RPN2: variants seen among roughly 807,000 people sequenced by gnomAD.
RPN2 encodes ribophorin II.
A neutral mutation model predicts 71.4 loss-of-function variants in RPN2; 29 were observed. That is an observed-to-expected ratio of 0.41 (90% confidence interval 0.30 to 0.55). The LOEUF is 0.55. RPN2 is among the 20% of genes least tolerant of loss of function. The probability of loss-of-function intolerance (pLI) is 0.35; values close to 1 mark genes in which losing one functional copy is unlikely to be tolerated. For missense variants in RPN2, 726 were observed against 774.1 expected (o/e 0.94, Z 0.74); for synonymous variants, 308 against 305.0 (o/e 1.01, Z -0.10).
chr20:37,237,197 C>T (rs977880768), intron 16 of RPN2, among the ~76,000 whole-genome samples: 3 of 152,136 alleles, frequency 2.0e-5, no homozygotes, highest in Non-Finnish European at 4.4e-5. Context: ...CAAGGAGTAT[C>T]TCCTCAGTAG....
chr20:37,213,252 G>A (rs537083220), intron 8 of RPN2, among the ~76,000 whole-genome samples: 8 of 152,272 alleles, frequency 5.3e-5, no homozygotes, highest in Middle Eastern at 3.4e-3. Flanking sequence ...GGAGTGGTGG[G>A]AGTAACAAAG....
intron 1 of RPN2, 170 bp downstream of exon 1, chr20:37,179,539 T>G: frequency 7.2e-7 from 1 of 1,389,066 alleles, no homozygotes; most frequent in Middle Eastern, 2.0e-4. Flanking sequence ...GGCTGCGAGC[T>G]GGTGGGAGTG....
At position 37,207,453 on chromosome 20, in the gene RPN2, A is replaced by G; in HGVS notation, c.867+4A>G. On this transcript the variant is annotated splice_donor_region_variant and intron_variant, in intron 7 of 16. Coordinates refer to ENST00000237530, the MANE Select transcript of RPN2 (RefSeq NM_002951.5). ...TCATGAACAGGCTATCTTGCGGGTAAGACATCCATGCCCAAAGTGTGCCCC... is the reference window on the plus strand; with the variant it reads ...TCATGAACAGGCTATCTTGCGGGTAGGACATCCATGCCCAAAGTGTGCCCC... 6.2e-7 allele frequency: 1 copy of G among 1,613,926 alleles called. No homozygotes were observed. The highest frequency in any genetic ancestry group is 8.5e-7 in the Non-Finnish European group (1 of 1,179,800).
chr20:37,200,700 C>G (rs1322244102), intron 4 of RPN2, among the ~76,000 whole-genome samples: 1 of 152,172 alleles, frequency 6.6e-6, no homozygotes, highest in East Asian at 1.9e-4. Flanking sequence ...GACTCTAGGG[C>G]TGACATTTTG....
At position 37,186,766 on chromosome 20, in the gene RPN2, A is replaced by C. The variant is rs934630017; in HGVS notation, c.207+2393A>C. The stretch of plus-strand genomic sequence containing the variant: ...GCTGGTATCTCTTAAGACTCTTTTC[A>C]CCGATAATAGTTCCCATTCCCTCTT... On this transcript the variant is annotated intron_variant, in intron 2 of 16. Transcript: ENST00000237530. Among the ~76,000 whole-genome samples, 6 of 152,166 alleles carry C rather than the reference A, an allele frequency of 3.9e-5. No individual in the cohort carries two copies. The East Asian group carries it at 1.2e-3, about 29-fold the overall frequency.
intron 3 of RPN2, 85 bp from the exon 4 acceptor site, chr20:37,198,965 G>C: frequency 1.8e-6 from 2 of 1,095,496 alleles, no homozygotes; most frequent in Non-Finnish European, 1.4e-6. Context: ...GACTTTGGCA[G>C]CTGCTCCGCA....
At chr20:37,186,679 TG>T (rs1235029484) in intron 2 of RPN2, among the ~76,000 whole-genome samples, 1 of 152,224 alleles carries the variant, frequency 6.6e-6, no homozygotes, top group African/African-American at 2.4e-5. Context: ...ATCTCAAAAG[TG>T]TTTTTTACAG....
intron 1 of RPN2, among the ~76,000 whole-genome samples, chr20:37,182,126 C>T (rs2066897932): frequency 6.6e-6 from 1 of 152,074 alleles, no homozygotes; most frequent in South Asian, 2.1e-4. Flanking sequence ...TGGAGTCTCA[C>T]TCTGTCACCC....
intron 16 of RPN2, among the ~76,000 whole-genome samples, chr20:37,237,577 G>A (rs2068431984): frequency 6.6e-6 from 1 of 152,172 alleles, no homozygotes; most frequent in Non-Finnish European, 1.5e-5. Flanking sequence ...GGGAGAAGAT[G>A]TCTCATCTCC....
rs2068544922 is a variant in RPN2 at position 37,241,345 on chromosome 20, CTG to C, written c.*31_*32del. 3 of 1,610,656 alleles carry C rather than the reference CTG, an allele frequency of 1.9e-6. No homozygotes were observed. The highest frequency in any genetic ancestry group is 2.2e-5 in the South Asian group (2 of 90,674). On this transcript the variant is annotated 3_prime_UTR_variant, in exon 17 of 17. Transcript: ENST00000237530. Reference sequence around the variant, plus strand: ...AGAAGAAAGATGGAAATTCTGAAAACTGAATGTCAAGAAAAGGAGTCAAGAAC... The same window carrying C: ...AGAAGAAAGATGGAAATTCTGAAAACAATGTCAAGAAAAGGAGTCAAGAAC...
chr20:37,211,629 G>A (rs1210270466), intron 8 of RPN2, among the ~76,000 whole-genome samples: 4 of 136,386 alleles, frequency 2.9e-5, no homozygotes, highest in Non-Finnish European at 6.3e-5. Flanking sequence ...GCGACAGAGC[G>A]AGGCTCCATC....
At chr20:37,227,937 A>T (rs1448737182) in intron 11 of RPN2, among the ~76,000 whole-genome samples, 1 of 152,238 alleles carries the variant, frequency 6.6e-6, no homozygotes, top group Non-Finnish European at 1.5e-5. Flanking sequence ...CCACATCTGG[A>T]AGTTAATTTT....
intron 2 of RPN2, among the ~76,000 whole-genome samples, chr20:37,188,195 A>C (rs963507020): frequency 6.6e-6 from 1 of 151,930 alleles, no homozygotes; most frequent in Non-Finnish European, 1.5e-5. Context: ...TTTGAGATGA[A>C]GGCTTACTCT....
chr20:37,223,099 G>T (rs2067998778), intron 9 of RPN2, among the ~76,000 whole-genome samples: 1 of 152,202 alleles, frequency 6.6e-6, no homozygotes, highest in Non-Finnish European at 1.5e-5. Context: ...TCTGGACATT[G>T]TGTCCATGTC....
At chr20:37,189,311 CTGTGTG>C (rs748314418) in intron 2 of RPN2, among the ~76,000 whole-genome samples, 3 of 115,186 alleles carry the variant, frequency 2.6e-5, no homozygotes, top group Non-Finnish European at 3.6e-5. Flanking sequence ...ATGGGCCAAA[CTGTGTG>C]TGTGTATGTG....
At chr20:37,238,396 T>C (rs186303108) in intron 16 of RPN2, 121 of 1,607,426 alleles carry the variant, frequency 7.5e-5, no homozygotes, top group Admixed American at 3.9e-4. Flanking sequence ...CTCTTTCCTT[T>C]GGCAGGATCG....
intron 11 of RPN2, 150 bp downstream of exon 11, chr20:37,225,952 A>C (rs549907470): frequency 2.8e-6 from 2 of 703,774 alleles, no homozygotes; most frequent in South Asian, 3.0e-5. Flanking sequence ...GTTCTCCCAC[A>C]TGACACTCTC....
intron 2 of RPN2, among the ~76,000 whole-genome samples, chr20:37,197,074 G>A (rs548127843): frequency 3.7e-4 from 57 of 152,270 alleles, no homozygotes; most frequent in African/African-American, 1.3e-3. Flanking sequence ...GGCAGGGTGG[G>A]TAGCAGGGTC....
In RPN2 at chr20:37,179,342, G is replaced by A; in HGVS notation, c.-15G>A. On this transcript the variant is annotated 5_prime_UTR_variant, in exon 1 of 17. Transcript: ENST00000237530. Reference sequence around the variant, plus strand: ...CAGCCCGCGGCTCGGACTCCGGCGGGACCTGCTCGGAGGAATGGCGCCGCC... The same window carrying A: ...CAGCCCGCGGCTCGGACTCCGGCGGAACCTGCTCGGAGGAATGGCGCCGCC... The A allele has an allele frequency of 1.5e-6, 2 of 1,308,916 alleles. No individual in the cohort carries two copies. Among genetic ancestry groups the A allele is most frequent in the South Asian group, 3.0e-5 (2 of 67,106 alleles). 81.1% of individuals were successfully genotyped at this position (1,308,916 alleles called of 1,614,324 possible). A position where few individuals can be genotyped will look rare whatever the true frequency, so the allele number is the denominator to read the frequency against.
Sources: gnomAD v4.1 joint callset for allele counts (sites outside exome capture counted in the v4.1 genomes callset) on GRCh38, gnomAD v4.1.1 for gene constraint, MANE v1.5 for transcripts, NCBI Gene and HGNC (gene_info 2026-07-23, HGNC 2026-07-21) for gene names.